Variants in SORCS3 observed in about 807,000 individuals in gnomAD.
The protein encoded by SORCS3 is VPS10 domain-containing receptor SorCS3.
A neutral mutation model predicts 146.3 loss-of-function variants in SORCS3; 57 were observed. That is an observed-to-expected ratio of 0.39 (90% CI 0.31 to 0.49). The LOEUF (loss-of-function observed/expected upper bound fraction) is 0.49, where lower values mean the gene tolerates loss of function less well. SORCS3 is among the 20% of genes least tolerant of loss of function. The pLI, the probability that SORCS3 is intolerant of heterozygous loss-of-function variation, is 0.92. For missense variants in SORCS3, 1,341 were observed against 1,575.5 expected, an observed-to-expected ratio of 0.85 and a Z score of 2.52; for synonymous variants, 653 against 618.5, an observed-to-expected ratio of 1.06 and a Z score of -0.83.
At chr10:104,977,121 A>C (rs566765299) in intron 3 of SORCS3, among the ~76,000 whole-genome samples, 1 of 152,124 alleles carries the variant, frequency 6.6e-6, no homozygotes, top group Non-Finnish European at 1.5e-5. Flanking sequence ...ACCTTCTTCT[A>C]TATGCTTCTA....
intron 5 of SORCS3, among the ~76,000 whole-genome samples, chr10:105,048,813 T>C (rs2055392134): frequency 1.3e-5 from 2 of 152,230 alleles, no homozygotes; most frequent in South Asian, 4.1e-4. Flanking sequence ...TATGTTCTTT[T>C]ATATGTAGCC....
intron 2 of SORCS3, among the ~76,000 whole-genome samples, chr10:104,902,702 T>G (rs113434475): frequency 3.9e-5 from 6 of 152,238 alleles, no homozygotes; most frequent in Non-Finnish European, 8.8e-5. Context: ...TAGGAAGGAA[T>G]GAAAGCCTGT....
intron 20 of SORCS3, among the ~76,000 whole-genome samples, chr10:105,231,412 G>T (rs1406268988): frequency 6.6e-6 from 1 of 152,120 alleles, no homozygotes; most frequent in Non-Finnish European, 1.5e-5. Context: ...GGAGATTTTT[G>T]CTGGTTGTTA....
chr10:105,085,898 TC>T (rs1487190713), intron 5 of SORCS3, among the ~76,000 whole-genome samples: 1 of 152,194 alleles, frequency 6.6e-6, no homozygotes, highest in Non-Finnish European at 1.5e-5. Context: ...TCTCTCTGTT[TC>T]TTTCTCTATC....
rs869163494 is a variant in SORCS3 at position 105,077,555 on chromosome 10, CACACACACACAG to C, written c.1029-12218_1029-12207del. Among the ~76,000 whole-genome samples the C allele has an allele frequency of 5.6e-3, 733 of 129,746 alleles. 8 individuals are homozygous for C. Among genetic ancestry groups the C allele is most frequent in the Admixed American group, 0.014 (173 of 12,638 alleles). The allele number at this position is 129,746 out of a possible 152,430, so 85.1% of individuals were successfully genotyped here. ...ACACACACACACACACACACACACA[CACACACACACAG>C]AGGGATGGTATTAGGATCCAAGTAA... On this transcript the variant is annotated intron_variant, in intron 5 of 26. Coordinates refer to ENST00000369701, the MANE Select transcript of SORCS3 (RefSeq NM_014978.3).
intron 7 of SORCS3, among the ~76,000 whole-genome samples, chr10:105,136,538 A>T (rs551061643): frequency 3.3e-5 from 5 of 152,308 alleles, no homozygotes; most frequent in African/African-American, 1.2e-4. Flanking sequence ...ACTATAGAAG[A>T]ATAATTATAG....
Position 104,645,629 on chromosome 10 carries a change from C to T in SORCS3, c.627+3675C>T, listed in dbSNP as rs2015486617. Among the ~76,000 whole-genome samples the T allele has an allele frequency of 3.3e-5, 5 of 152,088 alleles. No individual in the cohort carries two copies. The South Asian group carries it at 1.0e-3, about 32-fold the overall frequency. On this transcript the variant is annotated intron_variant, in intron 1 of 26. Coordinates refer to ENST00000369701, the MANE Select transcript of SORCS3 (RefSeq NM_014978.3). ...GCCAGGTAGTTCTCAATTAATGGGCCCAACACTGCATCTTGGTGAAGAGAA... is the reference window on the plus strand; with the variant it reads ...GCCAGGTAGTTCTCAATTAATGGGCTCAACACTGCATCTTGGTGAAGAGAA...
At chr10:105,065,197 C>T (rs2133721549) in intron 5 of SORCS3, among the ~76,000 whole-genome samples, 1 of 152,174 alleles carries the variant, frequency 6.6e-6, no homozygotes, top group Non-Finnish European at 1.5e-5. Flanking sequence ...GGTTAATTGC[C>T]TCCTCCTTGT....
intron 13 of SORCS3, among the ~76,000 whole-genome samples, chr10:105,173,856 C>T (rs2056379758): frequency 6.6e-6 from 1 of 152,150 alleles, no homozygotes; most frequent in Non-Finnish European, 1.5e-5. Context: ...TGAATCTTTA[C>T]ATGGATACTT....
intron 1 of SORCS3, among the ~76,000 whole-genome samples, chr10:104,770,533 A>G (rs927822999): frequency 1.9e-4 from 29 of 152,110 alleles, no homozygotes; most frequent in African/African-American, 7.0e-4. Flanking sequence ...TTAAAGTGAA[A>G]AGAACACTGG....
chr10:104,738,426 A>G (rs533662059), intron 1 of SORCS3, among the ~76,000 whole-genome samples: 7 of 152,190 alleles, frequency 4.6e-5, no homozygotes, highest in Admixed American at 4.6e-4. Context: ...TTGAAGGAGC[A>G]GTTTATGGAT....
At chr10:104,955,046 A>G (rs1472651617) in intron 3 of SORCS3, among the ~76,000 whole-genome samples, 3 of 152,216 alleles carry the variant, frequency 2.0e-5, no homozygotes, top group African/African-American at 7.2e-5. Context: ...ACTAAAATTA[A>G]CTATTTTTAA....
At chr10:104,967,380 TAC>T (rs2054831774) in intron 3 of SORCS3, among the ~76,000 whole-genome samples, 1 of 152,216 alleles carries the variant, frequency 6.6e-6, no homozygotes, top group Non-Finnish European at 1.5e-5. Flanking sequence ...CAAACACACG[TAC>T]AGACAACATG....
chr10:105,017,548 T>C (rs554991770), intron 4 of SORCS3, among the ~76,000 whole-genome samples: 3 of 152,322 alleles, frequency 2.0e-5, no homozygotes, highest in African/African-American at 7.2e-5. Flanking sequence ...ACTCATGGGC[T>C]TTATGGCTTC....
In SORCS3 at chr10:104,778,035, A is replaced by G. The variant is rs144577317; in HGVS notation, c.628-64757A>G. On this transcript the variant is annotated intron_variant, in intron 1 of 26. Transcript: ENST00000369701. ...ATGAAAATACAGTTAGATAGAAGGA[A>G]TAAGATCTAGCATTTGTACAACAGG... Among the ~76,000 whole-genome samples, 54 of 152,278 alleles carry G rather than the reference A, an allele frequency of 3.5e-4. No homozygotes were observed. The East Asian group carries it at 0.01, about 29-fold the overall frequency.
At chr10:105,027,827 G>A (rs546503205) in intron 4 of SORCS3, among the ~76,000 whole-genome samples, 42 of 152,310 alleles carry the variant, frequency 2.8e-4, no homozygotes, top group Non-Finnish European at 5.1e-4. Context: ...TGAGCACAAG[G>A]AGACTGTGAT....
At chr10:104,678,406 T>C (rs1323437921) in intron 1 of SORCS3, among the ~76,000 whole-genome samples, 2 of 152,310 alleles carry the variant, frequency 1.3e-5, no homozygotes, top group Admixed American at 6.5e-5. Context: ...ATGACTATTA[T>C]TGATGAAACA....
At chr10:104,723,234 G>T (rs1183292431) in intron 1 of SORCS3, among the ~76,000 whole-genome samples, 1 of 152,134 alleles carries the variant, frequency 6.6e-6, no homozygotes, top group African/African-American at 2.4e-5. Flanking sequence ...ATTTCATTAT[G>T]TACCCAGTAG....
intron 1 of SORCS3, among the ~76,000 whole-genome samples, chr10:104,726,588 G>T (rs2016637317): frequency 6.6e-6 from 1 of 151,668 alleles, no homozygotes; most frequent in African/African-American, 2.4e-5. Flanking sequence ...GACCCCCAGG[G>T]GGCTCTCCGT....
Sources: gnomAD v4.1 joint callset for allele counts (sites outside exome capture counted in the v4.1 genomes callset) on GRCh38, gnomAD v4.1.1 for gene constraint, MANE v1.5 for transcripts, NCBI Gene and HGNC (gene_info 2026-07-23, HGNC 2026-07-21) for gene names.